Variants in ABCD2 observed in about 807,000 individuals in gnomAD.
The protein encoded by ABCD2 is ATP-binding cassette sub-family D member 2.
In ABCD2, 36 loss-of-function variants were observed where a neutral mutation model predicts 70.9. The ratio of observed to expected loss-of-function variants is 0.51; its 90% CI spans 0.39 to 0.67. The LOEUF (loss-of-function observed/expected upper bound fraction) is 0.67. Among genes scored for constraint, ABCD2 ranks in the 30% least tolerant of loss-of-function variants. The pLI is 0.00. For synonymous variants in ABCD2, 304 were observed against 306.9 expected (o/e 0.99, Z 0.10); for missense variants, 729 against 890.2 (o/e 0.82, Z 2.30).
At chr12:39,599,631 A>C (rs960204192) in intron 6 of ABCD2, among the ~76,000 whole-genome samples, 3 of 152,314 alleles carry the variant, frequency 2.0e-5, no homozygotes, top group Middle Eastern at 3.4e-3. Flanking sequence ...AAAGAAAAAA[A>C]CCCACAAAAC....
At chr12:39,578,962 T>C (rs1055118842) in intron 8 of ABCD2, among the ~76,000 whole-genome samples, 5 of 152,336 alleles carry the variant, frequency 3.3e-5, no homozygotes, top group Admixed American at 3.3e-4. Flanking sequence ...ATTTCAAACT[T>C]AGGATACATA....
intron 7 of ABCD2, among the ~76,000 whole-genome samples, chr12:39,582,158 GA>G (rs1941604658): frequency 6.6e-6 from 1 of 152,120 alleles, no homozygotes; most frequent in Non-Finnish European, 1.5e-5. Context: ...AGGTTTCCCT[GA>G]AGTTTTTTTT....
At chr12:39,614,103 C>T (rs904308011) in intron 2 of ABCD2, among the ~76,000 whole-genome samples, 43 of 152,228 alleles carry the variant, frequency 2.8e-4, no homozygotes, top group African/African-American at 9.6e-4. Flanking sequence ...CTTGTAACAA[C>T]GCTGCTATCA....
chr12:39,566,736 T>G (rs145293671), intron 9 of ABCD2, among the ~76,000 whole-genome samples: 6,586 of 152,316 alleles, frequency 0.043, 186 homozygotes, highest in African/African-American at 0.08. Flanking sequence ...GTGTCAATTT[T>G]AGATCTTTCC....
chr12:39,604,096 C>T, intron 4 of ABCD2, 90 bp from the exon 5 acceptor site: 8 of 832,020 alleles, frequency 9.6e-6, no homozygotes, highest in Non-Finnish European at 1.5e-5. Context: ...CAGGTAATTT[C>T]AATTATAAAG....
chr12:39,546,732 A>C (rs1941028655), downstream of ABCD2, among the ~76,000 whole-genome samples: 1 of 152,176 alleles, frequency 6.6e-6, no homozygotes, highest in Non-Finnish European at 1.5e-5. Context: ...CTATAGTCAT[A>C]ATAAAGGAAA....
rs12314758 is a variant in ABCD2 at position 39,579,137 on chromosome 12, G to A, written c.1877+398C>T. Among the ~76,000 whole-genome samples the A allele has an allele frequency of 5.5e-3, 841 of 152,268 alleles. 6 individuals carry two copies. Among genetic ancestry groups the A allele is most frequent in the Middle Eastern group, 0.017 (5 of 294 alleles). On this transcript the variant is annotated intron_variant, in intron 8 of 9. Transcript: ENST00000308666. Reference sequence around the variant, plus strand: ...AGCACTTTGGGAGGCCAAGGCGGGCGGATCACCTGAAGTTAGGAGTTCAAG... The same window carrying A: ...AGCACTTTGGGAGGCCAAGGCGGGCAGATCACCTGAAGTTAGGAGTTCAAG...
chr12:39,550,613 G>A lies in ABCD2; in HGVS notation c.*3299C>T, dbSNP rs942072105. 2.0e-5 allele frequency: 3 copies of A among 151,806 alleles called. No homozygotes were observed. Among genetic ancestry groups the A allele is most frequent in the Non-Finnish European group, 3.0e-5 (2 of 67,676 alleles). 9.4% of individuals were successfully genotyped at this position (151,806 alleles called of 1,614,324 possible). Reference sequence around the variant, plus strand: ...ATATTTTATACATCCACCTGAAGGCGCTCATGTGGCAAAACATATTCAACC... The same window carrying A: ...ATATTTTATACATCCACCTGAAGGCACTCATGTGGCAAAACATATTCAACC... On this transcript the variant is annotated 3_prime_UTR_variant, in exon 10 of 10. Transcript: ENST00000308666.
intron 6 of ABCD2, among the ~76,000 whole-genome samples, chr12:39,596,310 G>A (rs752859082): frequency 2.0e-5 from 3 of 151,696 alleles, no homozygotes; most frequent in Non-Finnish European, 4.4e-5. Flanking sequence ...CTTTCTTGAG[G>A]CACTTATTTC....
At chr12:39,603,191 A>G (rs1941924045) in intron 5 of ABCD2, among the ~76,000 whole-genome samples, 1 of 152,142 alleles carries the variant, frequency 6.6e-6, no homozygotes, top group Non-Finnish European at 1.5e-5. Context: ...ATGTGTTATC[A>G]TGTTTGTAAT....
chr12:39,619,455 G>T lies in ABCD2; in HGVS notation c.161C>A (p.Ala54Glu), dbSNP rs1200564768. The T allele has an allele frequency of 6.2e-7, 1 of 1,614,018 alleles. No individual in the cohort carries two copies. Among genetic ancestry groups the T allele is most frequent in the Non-Finnish European group, 8.5e-7 (1 of 1,180,014 alleles). ...GTTCTCTGCAGCAGGGTAAGCTGCTGCTTTTTTCTTCCCGTGGCCAGATTG... is the reference window on the plus strand; with the variant it reads ...GTTCTCTGCAGCAGGGTAAGCTGCTTCTTTTTTCTTCCCGTGGCCAGATTG... ...LKQSGHGKKK[A>E]AAYPAAENTE... The change falls in exon 1 of 10, where the codon GCA becomes GAA. Residue 54 changes from alanine to glutamate, a missense_variant. Ala to Glu is a moderately radical substitution (Grantham distance 107, BLOSUM62 -1). Transcript: ENST00000308666.
downstream of ABCD2, among the ~76,000 whole-genome samples, chr12:39,547,676 G>A (rs1425297758): frequency 1.3e-5 from 2 of 152,084 alleles, no homozygotes; most frequent in Non-Finnish European, 2.9e-5. Context: ...AAAAAGGAGA[G>A]TTTAATGGAC....
chr12:39,565,857 AGAG>A (rs1176384757), intron 9 of ABCD2, among the ~76,000 whole-genome samples: 5 of 152,196 alleles, frequency 3.3e-5, no homozygotes, highest in African/African-American at 1.2e-4. Context: ...GAATTTTGTT[AGAG>A]GCCTTTTCTG....
chr12:39,581,888 G>A (rs187510147), intron 7 of ABCD2, among the ~76,000 whole-genome samples: 132 of 152,240 alleles, frequency 8.7e-4, no homozygotes, highest in African/African-American at 3.2e-3. Flanking sequence ...AGAAGAGAAT[G>A]ATTTTCCTGC....
chr12:39,577,111 G>C (rs935859131), intron 8 of ABCD2, among the ~76,000 whole-genome samples: 34 of 151,840 alleles, frequency 2.2e-4, no homozygotes, highest in African/African-American at 8.0e-4. Flanking sequence ...AAATGTTACA[G>C]TAATTTAAAA....
At chr12:39,589,589 G>A (rs1388051093) in intron 6 of ABCD2, among the ~76,000 whole-genome samples, 2 of 151,760 alleles carry the variant, frequency 1.3e-5, no homozygotes, top group Non-Finnish European at 2.9e-5. Flanking sequence ...GGGTTTTACC[G>A]TGTTAGCCAG....
intron 6 of ABCD2, among the ~76,000 whole-genome samples, chr12:39,594,580 A>G (rs1941789517): frequency 6.6e-6 from 1 of 152,244 alleles, no homozygotes; most frequent in South Asian, 2.1e-4. Flanking sequence ...CAAAGAAAAT[A>G]TAGATATCAA....
intron 5 of ABCD2, among the ~76,000 whole-genome samples, chr12:39,602,585 T>C (rs1210282170): frequency 6.6e-6 from 1 of 152,196 alleles, no homozygotes; most frequent in Non-Finnish European, 1.5e-5. Flanking sequence ...TTAAATATAA[T>C]TTTCTGTCTG....
chr12:39,546,971 TGGTG>T (rs1220346649), downstream of ABCD2, among the ~76,000 whole-genome samples: 3 of 152,120 alleles, frequency 2.0e-5, no homozygotes, highest in Non-Finnish European at 4.4e-5. Context: ...GGCCAGATCA[TGGTG>T]GGCCTTAAAT....
Sources: gnomAD v4.1 joint callset for allele counts (sites outside exome capture counted in the v4.1 genomes callset) on GRCh38, gnomAD v4.1.1 for gene constraint, MANE v1.5 for transcripts, NCBI Gene and HGNC (gene_info 2026-07-23, HGNC 2026-07-21) for gene names.